MROH1: variants seen among roughly 807,000 people sequenced by gnomAD.
MROH1 encodes maestro heat like repeat family member 1, also known as maestro heat-like repeat-containing protein family member 1.
MROH1 carries 117 observed loss-of-function variants against 116.5 expected under a neutral mutation model. The ratio of observed to expected loss-of-function variants is 1.00; its 90% CI spans 0.86 to 1.17. The LOEUF (loss-of-function observed/expected upper bound fraction) is 1.17, where lower values mean the gene tolerates loss of function less well. Among genes scored for constraint, MROH1 ranks in the 50% most tolerant of loss-of-function variants. The pLI is 0.00. For synonymous variants in MROH1, 921 were observed against 583.9 expected (o/e 1.58, Z -8.32); for missense variants, 1,873 against 1,338.5 (o/e 1.40, Z -6.23).
chr8:144,200,318 C>A, intron 11 of MROH1, 110 bp from the exon 12 acceptor site: 1 of 870,628 alleles, frequency 1.1e-6, no homozygotes, highest in Non-Finnish European at 1.7e-6. Context: ...TTCTCACCTT[C>A]ACACAGCAAC....
At chr8:144,191,943 C>T in intron 9 of MROH1, 88 bp downstream of exon 9, 1 of 1,497,510 alleles carries the variant, frequency 6.7e-7, no homozygotes, top group South Asian at 1.2e-5. Flanking sequence ...GGCTAGGGCT[C>T]AGTGGTGGGT....
intron 20 of MROH1, 118 bp from the exon 21 acceptor site, chr8:144,240,874 C>G (rs954682594): frequency 1.4e-6 from 1 of 699,874 alleles, no homozygotes; most frequent in Non-Finnish European, 2.6e-6. Flanking sequence ...CCAGACTCAC[C>G]CTGCAGTTCT....
chr8:144,243,277 T>C (rs1002105729), intron 24 of MROH1, among the ~76,000 whole-genome samples: 4 of 152,348 alleles, frequency 2.6e-5, no homozygotes, highest in South Asian at 2.1e-4. Flanking sequence ...CAGTGTCTGC[T>C]CTGTGGCCTG....
chr8:144,255,832 G>A, intron 35 of MROH1, 127 bp downstream of exon 35: 3 of 638,384 alleles, frequency 4.7e-6, no homozygotes, highest in South Asian at 3.6e-5. Context: ...TTGCTTCCAG[G>A]GAGCTGGCGC....
rs1374914766 is a variant in MROH1, at chr8:144,259,926, G to A, written c.4060G>A (p.Val1354Met). 25 of 740,842 alleles carry A rather than the reference G, an allele frequency of 3.4e-5. No homozygotes were observed. Among genetic ancestry groups the A allele is most frequent in the Middle Eastern group, 2.5e-4 (1 of 3,950 alleles). 45.9% of individuals were successfully genotyped at this position (740,842 alleles called of 1,614,324 possible). The part of the protein sequence containing the change: ...AFLAELLNSN[V>M]ANDLMLLDSL... ...CTGCCTGCAGCTGCTGAACAGCAAC[G>A]TGGCCAACGACCTCATGCTCTTGGA... The change falls in exon 38 of 44, where the codon GTG becomes ATG. Residue 1354 changes from valine (V) to methionine (M), a missense_variant. By Grantham distance (21) the Val-to-Met change is conservative. Transcript: ENST00000326134.
Position 144,163,962 on chromosome 8 carries a change from A to G in MROH1, c.22+114A>G, listed in dbSNP as rs781643452. On this transcript the variant is annotated intron_variant, in intron 3 of 43. Coordinates refer to ENST00000326134, the MANE Select transcript of MROH1 (RefSeq NM_032450.3). The surrounding 1 kb of genome is among the most constrained non-coding windows in gnomAD (Gnocchi z 4.4). ...ATGGTGCCTAGAGTTTCCACCCTAT[A>G]CTCGGGAGCCTGAGTGGGTTCTGGG... 1.1e-4 allele frequency: 121 copies of G among 1,129,776 alleles called. 1 individual carries two copies. The highest frequency in any genetic ancestry group is 1.4e-4 in the Non-Finnish European group (114 of 786,394). The allele number at this position is 1,129,776 out of a possible 1,614,324, so 70.0% of individuals were successfully genotyped here.
At chr8:144,178,932 T>G (rs1169471589) in intron 4 of MROH1, among the ~76,000 whole-genome samples, 1 of 152,052 alleles carries the variant, frequency 6.6e-6, no homozygotes, top group Non-Finnish European at 1.5e-5. Context: ...GGCAGGTGGT[T>G]GGACTCTGCG....
intron 35 of MROH1, among the ~76,000 whole-genome samples, 154 bp downstream of exon 35, chr8:144,255,859 G>A (rs980222841): frequency 1.3e-5 from 2 of 152,236 alleles, no homozygotes; most frequent in Non-Finnish European, 2.9e-5. Context: ...CAGGTGCAGG[G>A]CTGAGCTGTC....
chr8:144,175,833 G>A (rs531218634), intron 4 of MROH1, among the ~76,000 whole-genome samples: 1 of 152,096 alleles, frequency 6.6e-6, no homozygotes, highest in Admixed American at 6.6e-5. Flanking sequence ...GGCAGATCAC[G>A]AGGTCAGGAG....
chr8:144,184,414 G>C (rs112844224), intron 7 of MROH1, among the ~76,000 whole-genome samples: 1 of 152,102 alleles, frequency 6.6e-6, no homozygotes, highest in African/African-American at 2.4e-5. Context: ...AAGCACACAC[G>C]TCAGCACACA....
chr8:144,206,858 C>G (rs1022078384), intron 12 of MROH1, among the ~76,000 whole-genome samples: 3 of 151,446 alleles, frequency 2.0e-5, no homozygotes, highest in Non-Finnish European at 4.4e-5. Flanking sequence ...CATGGTGAAA[C>G]CCTCTCTCTA....
At chr8:144,167,408 T>A (rs1265488384) in intron 3 of MROH1, among the ~76,000 whole-genome samples, 13 of 124,722 alleles carry the variant, frequency 1.0e-4, no homozygotes, top group African/African-American at 4.4e-4. Context: ...AGTGGCCGGT[T>A]GTTGGGGTGG....
At chr8:144,217,228 C>A (rs1410489301) in intron 12 of MROH1, among the ~76,000 whole-genome samples, 2 of 152,184 alleles carry the variant, frequency 1.3e-5, no homozygotes, top group African/African-American at 4.8e-5. Flanking sequence ...CAGACAACCA[C>A]AGATTGTCCA....
At position 144,260,512 on chromosome 8, in the gene MROH1, C is replaced by T. The variant is rs915986296; in HGVS notation, c.4380+138C>T. 11 of 716,642 alleles carry T rather than the reference C, an allele frequency of 1.5e-5. No individual in the cohort carries two copies. In the African/African-American group the frequency reaches 1.7e-4, roughly 11 times the overall value. The allele number at this position is 716,642 out of a possible 1,614,324, so 44.4% of individuals were successfully genotyped here. ...CCGTGGAGAGCGCGGACCTGCAGGG[C>T]TGCTGCTTTGCTGGGCCTGGCAGCC... On this transcript the variant is annotated intron_variant, in intron 39 of 43. Coordinates refer to ENST00000326134, the MANE Select transcript of MROH1 (RefSeq NM_032450.3).
chr8:144,241,727 G>T (rs1308172865), intron 22 of MROH1, among the ~76,000 whole-genome samples: 3 of 152,250 alleles, frequency 2.0e-5, no homozygotes, highest in African/African-American at 7.2e-5. Flanking sequence ...AAACGTAGCT[G>T]TGGCCAGGGC....
rs368135522 is a variant in MROH1 at position 144,179,459 on chromosome 8, C to T, written c.173C>T (p.Ala58Val). 15 of 1,613,354 alleles carry T rather than the reference C, an allele frequency of 9.3e-6. No individual in the cohort carries two copies. The African/African-American group carries it at 1.5e-4, about 16-fold the overall frequency. The change falls in exon 5 of 44, where the codon GCA (alanine) becomes GTA (valine). Residue 58 changes from alanine to valine, a missense_variant. Transcript: ENST00000326134. Reference protein sequence around the residue: ...EEYLRQHDKLAHPYRAAVLRA... With the variant: ...EEYLRQHDKLVHPYRAAVLRA... ...CTGGACGGTGTCTCTCCGCAGCTGG[C>T]ACACCCATACCGAGCAGCGGTCCTG...
chr8:144,171,395 C>T (rs1202133501), intron 4 of MROH1, among the ~76,000 whole-genome samples: 3 of 152,180 alleles, frequency 2.0e-5, no homozygotes, highest in Non-Finnish European at 4.4e-5. Context: ...GGGAGGGGCG[C>T]GGAGCTCCCG....
intron 4 of MROH1, among the ~76,000 whole-genome samples, chr8:144,179,215 G>A (rs867370821): frequency 2.6e-5 from 4 of 152,060 alleles, no homozygotes; most frequent in South Asian, 4.1e-4. Context: ...CCCCCGCCTC[G>A]CCCTCTGCAT....
At chr8:144,193,601 T>C (rs535777316) in intron 10 of MROH1, among the ~76,000 whole-genome samples, 73 of 152,246 alleles carry the variant, frequency 4.8e-4, no homozygotes, top group African/African-American at 1.3e-3. Flanking sequence ...TTTATTCATT[T>C]ATTTATTTAT....
Sources: allele counts gnomAD v4.1 joint callset (sites outside exome capture counted in the v4.1 genomes callset), GRCh38; gene constraint gnomAD v4.1.1; non-coding constraint Gnocchi (gnomAD v3.1); transcripts MANE v1.5; gene names NCBI Gene and HGNC (gene_info 2026-07-23, HGNC 2026-07-21).